SLC5A6: variants seen among roughly 807,000 people sequenced by gnomAD.
SLC5A6 encodes sodium-dependent multivitamin transporter.
Under a neutral mutation model 67.9 loss-of-function variants are expected in SLC5A6, and 31 were observed. That is an observed-to-expected ratio of 0.46 (90% CI 0.34 to 0.62). The LOEUF is 0.62. SLC5A6 is among the 20% of genes least tolerant of loss of function. The probability of loss-of-function intolerance (pLI) is 0.01; values close to 1 mark genes in which losing one functional copy is unlikely to be tolerated. For synonymous variants in SLC5A6, 343 were observed against 331.0 expected (o/e 1.04, Z -0.39); for missense variants, 673 against 812.8 (o/e 0.83, Z 2.09).
Position 27,206,498 on chromosome 2 carries a change from A to C in SLC5A6, c.496T>G (p.Leu166Val). ...YMGVVLYAPS[L>V]ALNAVTGFDL... ...GACTCCTCACCTGCATTGAGAGCCA[A>C]TGACGGAGCATAGAGCACAACTCCC... is the stretch of plus-strand genomic sequence containing the variant. The change falls in exon 5 of 17, where the codon TTG becomes GTG. Residue 166 changes from leucine to valine, a missense_variant. Physicochemically the swap from Leu to Val is conservative, Grantham distance 32. Transcript: ENST00000310574. 6.2e-7 allele frequency: 1 copy of C among 1,614,190 alleles called. No individual in the cohort carries two copies.
In SLC5A6 at chr2:27,207,660, G is replaced by T. The variant is rs1674175966; in HGVS notation, c.-10C>A. 6.2e-7 allele frequency: 1 copy of T among 1,602,378 alleles called. No individual in the cohort carries two copies. The highest frequency in any genetic ancestry group is 2.2e-5 in the East Asian group (1 of 44,670). On this transcript the variant is annotated 5_prime_UTR_variant, in exon 3 of 17. Transcript: ENST00000310574. This position sits in a 1 kb window ranked among gnomAD's most constrained non-coding sequence, Gnocchi z 5.5. The stretch of plus-strand genomic sequence containing the variant: ...TCACCCCTACACTCATATCCTCACT[G>T]TGTCTGTGATCTGCAGCCAGTTGCT...
At chr2:27,204,769 C>T (rs1558507820) in intron 8 of SLC5A6, 22 bp downstream of exon 8, 1 of 1,614,046 alleles carries the variant, frequency 6.2e-7, no homozygotes, top group Admixed American at 1.7e-5. Flanking sequence ...TTGCTCCACT[C>T]CCTTCCTGTC....
intron 7 of SLC5A6, 47 bp from the exon 8 acceptor site, chr2:27,204,978 G>A (rs1246773285): frequency 6.2e-7 from 1 of 1,603,978 alleles, no homozygotes; most frequent in Non-Finnish European, 8.5e-7. Context: ...GAGAGACACA[G>A]CCTTCCTGCC....
In SLC5A6 at chr2:27,203,432, G is replaced by A. The variant is rs968402920; in HGVS notation, c.1095-87C>T. 8.4e-5 allele frequency: 100 copies of A among 1,192,906 alleles called. 1 individual carries two copies. The highest frequency in any genetic ancestry group is 5.4e-4 in the East Asian group (22 of 40,754). The allele number at this position is 1,192,906 out of a possible 1,614,324, so 73.9% of individuals were successfully genotyped here. ...TATGGAGGAAATGGTGTCCTAAAGC[G>A]GGGAGATGACAGGTACCACCAAGAA... On this transcript the variant is annotated intron_variant, in intron 10 of 16. Transcript: ENST00000310574.
intron 1 of SLC5A6, 22 bp downstream of exon 1, chr2:27,211,998 C>T: frequency 1.7e-6 from 1 of 593,476 alleles, no homozygotes; most frequent in Non-Finnish European, 2.6e-6. Context: ...GCCCGCCCCG[C>T]TCGCCGTGCC....
chr2:27,203,689 C>T (rs1438865194), intron 10 of SLC5A6, 90 bp downstream of exon 10: 3 of 961,554 alleles, frequency 3.1e-6, no homozygotes, highest in East Asian at 4.8e-5. Context: ...AGAGGGATTC[C>T]CCACCCACTA....
At chr2:27,202,178 G>T in intron 12 of SLC5A6, 104 bp from the exon 13 acceptor site, 2 of 797,634 alleles carry the variant, frequency 2.5e-6, no homozygotes, top group Non-Finnish European at 4.4e-6. Context: ...AGCCCCACTT[G>T]TCAGATCTGT....
intron 6 of SLC5A6, among the ~76,000 whole-genome samples, 153 bp from the exon 7 acceptor site, chr2:27,205,657 A>G (rs1452640224): frequency 6.6e-6 from 1 of 152,082 alleles, no homozygotes; most frequent in Non-Finnish European, 1.5e-5. Context: ...GTCTCTGGTG[A>G]TATGTATAAA....
chr2:27,201,285 A>G, intron 15 of SLC5A6, 65 bp downstream of exon 15: 7 of 1,147,282 alleles, frequency 6.1e-6, no homozygotes, highest in African/African-American at 1.5e-5. Flanking sequence ...CTTTCTCCCT[A>G]GAGTCCCTTA....
intron 5 of SLC5A6, 36 bp downstream of exon 5, chr2:27,206,447 C>T (rs775126615): frequency 8.1e-6 from 13 of 1,606,478 alleles, no homozygotes; most frequent in African/African-American, 1.3e-5. Context: ...TCCTAACCTA[C>T]CACGGCTGAA....
rs754844522 is a variant in SLC5A6, at chr2:27,203,139, G to A, written c.1207+94C>T. The A allele has an allele frequency of 2.2e-4, 348 of 1,580,362 alleles. 1 individual carries two copies. Among genetic ancestry groups the A allele is most frequent in the African/African-American group, 3.0e-4 (22 of 73,548 alleles). Reference sequence around the variant, plus strand: ...CTTCATTAGGCAAGTGCTGAGCCCCGGATAAAGTGGGTGTTTTACAGCAAA... The same window carrying A: ...CTTCATTAGGCAAGTGCTGAGCCCCAGATAAAGTGGGTGTTTTACAGCAAA... On this transcript the variant is annotated intron_variant, in intron 11 of 16. Transcript: ENST00000310574.
chr2:27,200,600 G>C, intron 16 of SLC5A6, 21 bp from the exon 17 acceptor site: 1 of 1,603,296 alleles, frequency 6.2e-7, no homozygotes, highest in Non-Finnish European at 8.5e-7. Context: ...AGAGCCAAAG[G>C]GGTGGAACTG....
chr2:27,205,910 A>C, intron 6 of SLC5A6, 116 bp downstream of exon 6: 1 of 779,600 alleles, frequency 1.3e-6, no homozygotes, highest in Non-Finnish European at 2.1e-6. Context: ...CCACCCCAGA[A>C]TTTCACCTAT....
chr2:27,206,769 T>G (rs544403317), intron 4 of SLC5A6, 108 bp downstream of exon 4: 98 of 1,004,462 alleles, frequency 9.8e-5, no homozygotes, highest in Non-Finnish European at 1.4e-4. Context: ...TAGCAGGAAT[T>G]TCAATCCTGC....
At chr2:27,205,630 G>C in intron 6 of SLC5A6, 126 bp from the exon 7 acceptor site, 1 of 1,193,966 alleles carries the variant, frequency 8.4e-7, no homozygotes, top group Non-Finnish European at 1.2e-6. Flanking sequence ...GCAGCCTGAA[G>C]CCAGTTTTTA....
chr2:27,203,765 G>A lies in SLC5A6; in HGVS notation c.1094+14C>T, dbSNP rs750445912. 2.6e-5 allele frequency: 42 copies of A among 1,605,810 alleles called. 1 individual carries two copies. In the East Asian group the frequency reaches 5.1e-4, roughly 20 times the overall value. The stretch of plus-strand genomic sequence containing the variant: ...AGGTGCACCAGGCCTGAGGGAAATC[G>A]TTAAAGTGGGTACCTGAGAGAGCCG... On this transcript the variant is annotated intron_variant, in intron 10 of 16. Transcript: ENST00000310574.
chr2:27,201,180 C>T (rs1673607753), intron 15 of SLC5A6, 67 bp from the exon 16 acceptor site: 2 of 1,285,522 alleles, frequency 1.6e-6, no homozygotes, highest in South Asian at 2.6e-5. Flanking sequence ...CATGTCCTCC[C>T]TTGGCCCCCA....
At chr2:27,212,392 T>G (rs915873588), upstream of SLC5A6, 3 of 1,550,836 alleles carry the variant, frequency 1.9e-6, no homozygotes, top group Non-Finnish European at 2.6e-6. Context: ...ACCCGGGTAG[T>G]CTTACGACCC....
intron 9 of SLC5A6, 35 bp from the exon 10 acceptor site, chr2:27,203,902 G>C: frequency 6.6e-7 from 1 of 1,523,848 alleles, no homozygotes; most frequent in Admixed American, 1.7e-5. Context: ...GCAGTCCTCA[G>C]AGAGGGGTCT....
Sources: gnomAD v4.1 joint callset for allele counts (sites outside exome capture counted in the v4.1 genomes callset) on GRCh38, gnomAD v4.1.1 for gene constraint, Gnocchi (gnomAD v3.1) non-coding constraint, MANE v1.5 for transcripts, NCBI Gene and HGNC (gene_info 2026-07-23, HGNC 2026-07-21) for gene names.